C11orf87: variants seen among roughly 807,000 people sequenced by gnomAD.
C11orf87 encodes chromosome 11 open reading frame 87.
Under a neutral mutation model 9.2 loss-of-function variants are expected in C11orf87, and 3 were observed. That is an observed-to-expected ratio of 0.33 (90% confidence interval 0.15 to 0.84). The LOEUF (loss-of-function observed/expected upper bound fraction) is 0.84. Among genes scored for constraint, C11orf87 ranks in the 40% least tolerant of loss-of-function variants. The pLI is 0.55. For missense variants in C11orf87, 256 were observed against 270.7 expected (o/e 0.95, Z 0.38); for synonymous variants, 124 against 124.6 (o/e 1.00, Z 0.03).
At position 109,424,046 on chromosome 11, in the gene C11orf87, C is replaced by A. The variant is rs759575886; in HGVS notation, c.413C>A (p.Ser138Tyr). The A allele has an allele frequency of 6.2e-7, 1 of 1,614,004 alleles. No homozygotes were observed. Among genetic ancestry groups the A allele is most frequent in the East Asian group, 2.2e-5 (1 of 44,858 alleles). Residue 138 changes from serine to tyrosine, a missense_variant, in exon 2 of 2, where the codon TCT (serine) becomes TAT (tyrosine). Physicochemically the swap from Ser to Tyr is moderately radical, Grantham distance 144 (BLOSUM62 -2). Transcript: ENST00000327419. The surrounding 1 kb of genome is among the most constrained non-coding windows in gnomAD (Gnocchi z 4.7). ...ETRLERQPRDSPFCAPSNASS... is the reference protein window; with the variant it reads ...ETRLERQPRDYPFCAPSNASS... ...CGGCTGGAGAGGCAGCCCCGGGACTCTCCCTTCTGCGCCCCTTCCAACGCC... is the reference window on the plus strand; with the variant it reads ...CGGCTGGAGAGGCAGCCCCGGGACTATCCCTTCTGCGCCCCTTCCAACGCC...
In C11orf87 at chr11:109,424,056, C is replaced by A; in HGVS notation, c.423C>A (p.Cys141Ter). ...LERQPRDSPF[C>*]APSNASSLSS... ...GGCAGCCCCGGGACTCTCCCTTCTG[C>A]GCCCCTTCCAACGCCTCGTCGTTGT... The change falls in exon 2 of 2, where the codon TGC (cysteine) becomes TGA (stop). Residue 141 changes from cysteine (C) to a stop codon, truncating the protein, a stop_gained. Transcript: ENST00000327419. LOFTEE classifies it high-confidence loss of function. This position sits in a 1 kb window ranked among gnomAD's most constrained non-coding sequence, Gnocchi z 4.7. 6.2e-7 allele frequency: 1 copy of A among 1,613,960 alleles called. No homozygotes were observed. Among genetic ancestry groups the A allele is most frequent in the Non-Finnish European group, 8.5e-7 (1 of 1,180,030 alleles).
Position 109,424,279 on chromosome 11 carries a change from T to C in C11orf87, c.*52T>C. On this transcript the variant is annotated 3_prime_UTR_variant, in exon 2 of 2. Coordinates refer to ENST00000327419, the MANE Select transcript of C11orf87 (RefSeq NM_207645.4). The surrounding 1 kb of genome is among the most constrained non-coding windows in gnomAD (Gnocchi z 4.7). ...CTCGTTTCCAGCATCTTTGCCACCCTTGCTTTTTTCCTTCTTCCTTCCTTT... is the reference window on the plus strand; with the variant it reads ...CTCGTTTCCAGCATCTTTGCCACCCCTGCTTTTTTCCTTCTTCCTTCCTTT... 1 of 1,466,846 alleles carries C rather than the reference T, an allele frequency of 6.8e-7. No individual in the cohort carries two copies. The highest frequency in any genetic ancestry group is 2.3e-5 in the East Asian group (1 of 42,870). The allele number at this position is 1,466,846 out of a possible 1,614,324, so 90.9% of individuals were successfully genotyped here. A position where few individuals can be genotyped will look rare whatever the true frequency, so the allele number is the denominator to read the frequency against.
Position 109,424,147 on chromosome 11 carries a change from A to G in C11orf87, c.514A>G (p.Ser172Gly), listed in dbSNP as rs1281634433. Residue 172 changes from serine to glycine, a missense_variant, in exon 2 of 2, where the codon AGT becomes GGT. Transcript: ENST00000327419. The surrounding 1 kb of genome is among the most constrained non-coding windows in gnomAD (Gnocchi z 4.7). ...TCCTCCGCCTCCACCGCCAGCCTCC[A>G]GTCCCCAAGGAGCACACGCAGCTTC... ...CAPPPPPPAS[S>G]PQGAHAASSC... 1 of 1,614,060 alleles carries G rather than the reference A, an allele frequency of 6.2e-7. No homozygotes were observed. Among genetic ancestry groups the G allele is most frequent in the South Asian group, 1.1e-5 (1 of 91,076 alleles).
rs372158234 is a variant in C11orf87 at position 109,423,784 on chromosome 11, G to A, written c.151G>A (p.Gly51Arg). ...CAGCGGCACCTGCATCACGCAGGTGGGACAGCAGCTCTTCCAGTCCTTCTC... is the reference window on the plus strand; with the variant it reads ...CAGCGGCACCTGCATCACGCAGGTGAGACAGCAGCTCTTCCAGTCCTTCTC... Reference protein sequence around the residue: ...VGSGTCITQVGQQLFQSFSST... With the variant: ...VGSGTCITQVRQQLFQSFSST... The change falls in exon 2 of 2, where the codon GGA becomes AGA. Residue 51 changes from glycine to arginine, a missense_variant. Coordinates refer to ENST00000327419, the MANE Select transcript of C11orf87 (RefSeq NM_207645.4). The surrounding 1 kb of genome is among the most constrained non-coding windows in gnomAD (Gnocchi z 5.3). The A allele has an allele frequency of 1.9e-5, 30 of 1,614,072 alleles. No homozygotes were observed. The African/African-American group carries it at 3.7e-4, about 20-fold the overall frequency.
rs1295803557 is a variant in C11orf87 at position 109,425,440 on chromosome 11, C to A, written c.*1213C>A. The A allele has an allele frequency of 6.0e-6, 1 of 166,920 alleles. No homozygotes were observed. Among genetic ancestry groups the A allele is most frequent in the African/African-American group, 2.4e-5 (1 of 41,380 alleles). 10.3% of individuals were successfully genotyped at this position (166,920 alleles called of 1,614,324 possible). A position where few individuals can be genotyped will look rare whatever the true frequency, so the allele number is the denominator to read the frequency against. On this transcript the variant is annotated 3_prime_UTR_variant, in exon 2 of 2. Transcript: ENST00000327419. ...AAAAAACTATAGTTCTGTACTATGT[C>A]CTCCAAACTGTATATTATTGTTCTT...
rs1336704842 is a variant in C11orf87 at position 109,423,759 on chromosome 11, C to T, written c.126C>T (p.Gly42=). The T allele has an allele frequency of 1.2e-6, 2 of 1,614,060 alleles. No individual in the cohort carries two copies. The highest frequency in any genetic ancestry group is 2.2e-5 in the South Asian group (2 of 91,080). Residue 42 remains glycine, a synonymous_variant, in exon 2 of 2, where the codon GGC becomes GGT. Coordinates refer to ENST00000327419, the MANE Select transcript of C11orf87 (RefSeq NM_207645.4). The surrounding 1 kb of genome is among the most constrained non-coding windows in gnomAD (Gnocchi z 5.3). ...NTGARGPGAV[G]SGTCITQVGQ... The stretch of plus-strand genomic sequence containing the variant: ...GTGCCCGCGGCCCAGGCGCAGTAGG[C>T]AGCGGCACCTGCATCACGCAGGTGG...
At position 109,426,104 on chromosome 11, in the gene C11orf87, A is replaced by T. The variant is rs183732200; in HGVS notation, c.*1877A>T. 44 of 152,368 alleles carry T rather than the reference A, an allele frequency of 2.9e-4. No homozygotes were observed. The highest frequency in any genetic ancestry group is 8.7e-4 in the African/African-American group (36 of 41,584). The allele number at this position is 152,368 out of a possible 1,614,324, so 9.4% of individuals were successfully genotyped here. The stretch of plus-strand genomic sequence containing the variant: ...CCACCTTGTTTCCTTTGGTTGAATG[A>T]CAGAAGAAGCCAGAAGCATATTACA... On this transcript the variant is annotated 3_prime_UTR_variant, in exon 2 of 2. Transcript: ENST00000327419.
At chr11:109,422,667 G>T (rs1036028683) in intron 1 of C11orf87, among the ~76,000 whole-genome samples, 3 of 151,914 alleles carry the variant, frequency 2.0e-5, no homozygotes, top group Non-Finnish European at 4.4e-5. Context: ...ACAGGGAAAT[G>T]GGGAGGAGGG....
Position 109,427,924 on chromosome 11 carries a change from T to G in C11orf87, c.*3697T>G, listed in dbSNP as rs974540495. 1 of 152,136 alleles carries G rather than the reference T, an allele frequency of 6.6e-6. No individual in the cohort carries two copies. Among genetic ancestry groups the G allele is most frequent in the Admixed American group, 6.5e-5 (1 of 15,278 alleles). 9.4% of individuals were successfully genotyped at this position (152,136 alleles called of 1,614,324 possible). A position where few individuals can be genotyped will look rare whatever the true frequency, so the allele number is the denominator to read the frequency against. On this transcript the variant is annotated 3_prime_UTR_variant, in exon 2 of 2. Transcript: ENST00000327419. ...GGAAACCAAAATAGTTGTTCCATCC[T>G]CTTACCCAAAGAGGATACTGAAAAG...
rs902463529 is a variant in C11orf87, at chr11:109,423,403, C to T, written c.-231C>T. On this transcript the variant is annotated 5_prime_UTR_variant, in exon 2 of 2. Transcript: ENST00000327419. This position sits in a 1 kb window ranked among gnomAD's most constrained non-coding sequence, Gnocchi z 5.3. ...GGTGCCTCTGCAAAGGAAAGGGGAG[C>T]GTGGAGACGTGTTCGAGGTGGTATC... 1.2e-5 allele frequency: 7 copies of T among 576,004 alleles called. No individual in the cohort carries two copies. Among genetic ancestry groups the T allele is most frequent in the African/African-American group, 9.4e-5 (5 of 53,020 alleles). The allele number at this position is 576,004 out of a possible 1,614,324, so 35.7% of individuals were successfully genotyped here. A position where few individuals can be genotyped will look rare whatever the true frequency, so the allele number is the denominator to read the frequency against.
At position 109,422,567 on chromosome 11, in the gene C11orf87, G is replaced by T. The variant is rs150662918; in HGVS notation, c.-260+304G>T. Among the ~76,000 whole-genome samples, 928 of 152,232 alleles carry T rather than the reference G, an allele frequency of 6.1e-3. 5 individuals carry two copies. The highest frequency in any genetic ancestry group is 0.021 in the African/African-American group (887 of 41,556). ...CTGGGTCTGGGAAGGACAGAAAGAA[G>T]GTCCCGTTCCCCAAACTTTGCAGGC... On this transcript the variant is annotated intron_variant, in intron 1 of 1. Coordinates refer to ENST00000327419, the MANE Select transcript of C11orf87 (RefSeq NM_207645.4).
intron 1 of C11orf87, among the ~76,000 whole-genome samples, chr11:109,422,642 T>C (rs1453827227): frequency 6.6e-6 from 1 of 150,866 alleles, no homozygotes; most frequent in Non-Finnish European, 1.5e-5. Context: ...AGCAGGCTAC[T>C]GCCAAGTTGG....
chr11:109,429,068 G>A lies in C11orf87; in HGVS notation c.*4841G>A, dbSNP rs1860608405. On this transcript the variant is annotated 3_prime_UTR_variant, in exon 2 of 2. Coordinates refer to ENST00000327419, the MANE Select transcript of C11orf87 (RefSeq NM_207645.4). The stretch of plus-strand genomic sequence containing the variant: ...GAAGAAAAAAGATATTAGAATTCAT[G>A]GAAATTTTGTTTTGCTTTTCTATCA... The A allele has an allele frequency of 6.6e-6, 1 of 152,128 alleles. No individual in the cohort carries two copies. The highest frequency in any genetic ancestry group is 1.5e-5 in the Non-Finnish European group (1 of 68,014). 9.4% of individuals were successfully genotyped at this position (152,128 alleles called of 1,614,324 possible). A position where few individuals can be genotyped will look rare whatever the true frequency, so the allele number is the denominator to read the frequency against.
rs528853057 is a variant in C11orf87 at position 109,424,691 on chromosome 11, C to T, written c.*464C>T. On this transcript the variant is annotated 3_prime_UTR_variant, in exon 2 of 2. Transcript: ENST00000327419. The surrounding 1 kb of genome is among the most constrained non-coding windows in gnomAD (Gnocchi z 4.7). ...TAGCTGTCAAGTTAAGATTTAGTTT[C>T]CTTCCTTCCCCTCTGACCCCTAAGC... is the stretch of plus-strand genomic sequence containing the variant. 2.4e-5 allele frequency: 4 copies of T among 167,160 alleles called. No homozygotes were observed. Among genetic ancestry groups the T allele is most frequent in the East Asian group, 1.9e-4 (1 of 5,166 alleles). The allele number at this position is 167,160 out of a possible 1,614,324, so 10.4% of individuals were successfully genotyped here.
rs772923832 is a variant in C11orf87 at position 109,428,425 on chromosome 11, A to AT, written c.*4205dup. 28 of 152,104 alleles carry AT rather than the reference A, an allele frequency of 1.8e-4. No individual in the cohort carries two copies. Among genetic ancestry groups the AT allele is most frequent in the East Asian group, 7.7e-4 (4 of 5,188 alleles). 9.4% of individuals were successfully genotyped at this position (152,104 alleles called of 1,614,324 possible). On this transcript the variant is annotated 3_prime_UTR_variant, in exon 2 of 2. Coordinates refer to ENST00000327419, the MANE Select transcript of C11orf87 (RefSeq NM_207645.4). ...TTAATTAGATAATGGTTAAATTTTT[A>AT]TTTTTTTATCATGTAGACATATGCT...
In C11orf87 at chr11:109,428,673, A is replaced by T. The variant is rs920428574; in HGVS notation, c.*4446A>T. 5 of 152,206 alleles carry T rather than the reference A, an allele frequency of 3.3e-5. No individual in the cohort carries two copies. Among genetic ancestry groups the T allele is most frequent in the Non-Finnish European group, 5.9e-5 (4 of 68,014 alleles). 9.4% of individuals were successfully genotyped at this position (152,206 alleles called of 1,614,324 possible). A position where few individuals can be genotyped will look rare whatever the true frequency, so the allele number is the denominator to read the frequency against. On this transcript the variant is annotated 3_prime_UTR_variant, in exon 2 of 2. Coordinates refer to ENST00000327419, the MANE Select transcript of C11orf87 (RefSeq NM_207645.4). ...ACTCACAGATGTTTCAGTTCATATT[A>T]GAATAAATTGCCCAATCTATAAGAG...
rs1860574241 is a variant in C11orf87, at chr11:109,426,450, A to G, written c.*2223A>G. On this transcript the variant is annotated 3_prime_UTR_variant, in exon 2 of 2. Coordinates refer to ENST00000327419, the MANE Select transcript of C11orf87 (RefSeq NM_207645.4). ...AAATAATTTAATAAACTTAATTTTA[A>G]TCACCCATAAGATAATCACCTTTCC... 1 of 152,260 alleles carries G rather than the reference A, an allele frequency of 6.6e-6. No individual in the cohort carries two copies. The highest frequency in any genetic ancestry group is 1.5e-5 in the Non-Finnish European group (1 of 68,042). 9.4% of individuals were successfully genotyped at this position (152,260 alleles called of 1,614,324 possible).
rs1054861026 is a variant in C11orf87, at chr11:109,423,362, T to A, written c.-259-13T>A. On this transcript the variant is annotated splice_polypyrimidine_tract_variant and intron_variant, in intron 1 of 1. Coordinates refer to ENST00000327419, the MANE Select transcript of C11orf87 (RefSeq NM_207645.4). The surrounding 1 kb of genome is among the most constrained non-coding windows in gnomAD (Gnocchi z 5.3). ...AGCGGCCGAGATTCTAACTAAGCTT[T>A]GTGTCTTTGCAGCCTGGTGCCTCTG... 17 of 535,952 alleles carry A rather than the reference T, an allele frequency of 3.2e-5. No homozygotes were observed. The highest frequency in any genetic ancestry group is 5.6e-5 in the Non-Finnish European group (17 of 305,352). The allele number at this position is 535,952 out of a possible 1,614,324, so 33.2% of individuals were successfully genotyped here.
Position 109,425,930 on chromosome 11 carries a change from GCT to G in C11orf87, c.*1708_*1709del, listed in dbSNP as rs1860567242. 6.6e-6 allele frequency: 1 copy of G among 152,104 alleles called. No homozygotes were observed. The highest frequency in any genetic ancestry group is 1.5e-5 in the Non-Finnish European group (1 of 68,024). The allele number at this position is 152,104 out of a possible 1,614,324, so 9.4% of individuals were successfully genotyped here. On this transcript the variant is annotated 3_prime_UTR_variant, in exon 2 of 2. Coordinates refer to ENST00000327419, the MANE Select transcript of C11orf87 (RefSeq NM_207645.4). ...AATCTGTGCCTGCAGCAAAAGAAAG[GCT>G]CTCTTTCTCAGTCTGTCCTAACTTC...
Sources: gnomAD v4.1 joint callset for allele counts (sites outside exome capture counted in the v4.1 genomes callset) on GRCh38, gnomAD v4.1.1 for gene constraint, Gnocchi (gnomAD v3.1) non-coding constraint, MANE v1.5 for transcripts, NCBI Gene and HGNC (gene_info 2026-07-23, HGNC 2026-07-21) for gene names.